The following LHFPL3 variants were observed in gnomAD, a reference collection of about 807,000 sequenced individuals.
LHFPL3 encodes LHFPL tetraspan subfamily member 3, also known as LHFPL tetraspan subfamily member 3 protein.
Under a neutral mutation model 19.3 loss-of-function variants are expected in LHFPL3, and 5 were observed. The ratio of observed to expected loss-of-function variants is 0.26; its 90% CI spans 0.14 to 0.54. The LOEUF (loss-of-function observed/expected upper bound fraction) is 0.54. Among genes scored for constraint, LHFPL3 ranks in the 20% least tolerant of loss-of-function variants. The pLI, the probability that LHFPL3 is intolerant of heterozygous loss-of-function variation, is 0.94. For synonymous variants in LHFPL3, 133 were observed against 126.2 expected (o/e 1.05, Z -0.36); for missense variants, 249 against 307.4 (o/e 0.81, Z 1.42).
At chr7:104,887,722 G>A (rs1792174907) in intron 2 of LHFPL3, among the ~76,000 whole-genome samples, 1 of 152,194 alleles carries the variant, frequency 6.6e-6, no homozygotes, top group Non-Finnish European at 1.5e-5. Context: ...TACAAGTACT[G>A]GCTTCTGCAA....
chr7:104,810,134 C>T lies in LHFPL3; in HGVS notation c.682+73223C>T, dbSNP rs116986569. 2.4e-3 allele frequency among the ~76,000 whole-genome samples: 358 copies of T among 152,228 alleles called. 7 individuals carry two copies. The East Asian group carries it at 0.061, about 26-fold the overall frequency. On this transcript the variant is annotated intron_variant, in intron 2 of 2. Transcript: ENST00000424859. ...TTCAGTGACTCAGAGAGAGCATGGG[C>T]ACAGTGCTTCCTAACACCTGAAGTT...
chr7:104,779,785 G>A (rs756150258), intron 2 of LHFPL3, among the ~76,000 whole-genome samples: 2 of 152,192 alleles, frequency 1.3e-5, no homozygotes, highest in Non-Finnish European at 2.9e-5. Flanking sequence ...TGGAGATGCA[G>A]GTCTGACTCG....
rs1167618176 is a variant in LHFPL3, at chr7:104,723,722, CAAAAAAAAAAAA to C, written c.446-12935_446-12924del. Among the ~76,000 whole-genome samples, 388 of 46,982 alleles carry C rather than the reference CAAAAAAAAAAAA, an allele frequency of 8.3e-3. 5 individuals carry two copies. The highest frequency in any genetic ancestry group is 0.04 in the Middle Eastern group (2 of 50). 30.8% of individuals were successfully genotyped at this position (46,982 alleles called of 152,430 possible). A position where few individuals can be genotyped will look rare whatever the true frequency, so the allele number is the denominator to read the frequency against. On this transcript the variant is annotated intron_variant, in intron 1 of 2. Coordinates refer to ENST00000424859, the MANE Select transcript of LHFPL3 (RefSeq NM_199000.3). ...GGGCGACAGAGCAAGACTATGTCTC[CAAAAAAAAAAAA>C]AAAAAAAAAAAAAAAAAGATGATCT...
At chr7:104,687,212 A>T (rs1422933856) in intron 1 of LHFPL3, among the ~76,000 whole-genome samples, 1 of 152,236 alleles carries the variant, frequency 6.6e-6, no homozygotes, top group Admixed American at 6.5e-5. Flanking sequence ...TATAAAGGAT[A>T]TTATAAAAGA....
intron 1 of LHFPL3, among the ~76,000 whole-genome samples, chr7:104,559,733 A>G (rs1045758881): frequency 1.3e-5 from 2 of 152,156 alleles, no homozygotes; most frequent in East Asian, 1.9e-4. Context: ...TAGGAGTGGT[A>G]AGAGAAGGCA....
At chr7:104,645,885 C>T (rs939430202) in intron 1 of LHFPL3, among the ~76,000 whole-genome samples, 1 of 151,982 alleles carries the variant, frequency 6.6e-6, no homozygotes, top group African/African-American at 2.4e-5. Context: ...TGGTCTCGAT[C>T]TTCTGACCTC....
chr7:104,511,726 G>C (rs902508408), intron 1 of LHFPL3, among the ~76,000 whole-genome samples: 3 of 152,066 alleles, frequency 2.0e-5, no homozygotes, highest in Non-Finnish European at 2.9e-5. Flanking sequence ...CATTGCTTGG[G>C]TGATGGGTGC....
At chr7:104,566,984 G>T (rs544131197) in intron 1 of LHFPL3, among the ~76,000 whole-genome samples, 1 of 152,118 alleles carries the variant, frequency 6.6e-6, no homozygotes, top group Admixed American at 6.5e-5. Flanking sequence ...TCACTCTTCT[G>T]TCAGCCTCCC....
At chr7:104,415,573 T>C (rs1275101576) in intron 1 of LHFPL3, among the ~76,000 whole-genome samples, 1 of 152,186 alleles carries the variant, frequency 6.6e-6, no homozygotes, top group East Asian at 1.9e-4. Context: ...TCACCCCAAC[T>C]CTAACACAAT....
chr7:104,585,034 G>T (rs1426167904), intron 1 of LHFPL3, among the ~76,000 whole-genome samples: 1 of 152,050 alleles, frequency 6.6e-6, no homozygotes, highest in African/African-American at 2.4e-5. Context: ...GTCCTTCCAT[G>T]CCACCTAAAT....
At chr7:104,745,557 C>A (rs1794027009) in intron 2 of LHFPL3, among the ~76,000 whole-genome samples, 1 of 152,156 alleles carries the variant, frequency 6.6e-6, no homozygotes, top group African/African-American at 2.4e-5. Flanking sequence ...GGAGGAAAAA[C>A]TGACAAATTA....
intron 2 of LHFPL3, among the ~76,000 whole-genome samples, chr7:104,741,013 CAG>C (rs1793925974): frequency 6.6e-6 from 1 of 152,156 alleles, no homozygotes; most frequent in Non-Finnish European, 1.5e-5. Flanking sequence ...GCTCTACTCA[CAG>C]AGTCTTTAGA....
chr7:104,587,601 G>C (rs1380676812), intron 1 of LHFPL3, among the ~76,000 whole-genome samples: 1 of 152,140 alleles, frequency 6.6e-6, no homozygotes, highest in Non-Finnish European at 1.5e-5. Context: ...TGTCTTTATA[G>C]CAGCATGATT....
chr7:104,653,008 G>A (rs1337174197), intron 1 of LHFPL3, among the ~76,000 whole-genome samples: 1 of 151,252 alleles, frequency 6.6e-6, no homozygotes, highest in Non-Finnish European at 1.5e-5. Flanking sequence ...ACAGAGGCTG[G>A]GAGACAGGGC....
intron 1 of LHFPL3, chr7:104,668,915 A>T: frequency 6.2e-7 from 1 of 1,612,434 alleles, no homozygotes; most frequent in Non-Finnish European, 8.5e-7. Flanking sequence ...CGTCAGCTGG[A>T]TGGGCCAAAA....
At position 104,548,440 on chromosome 7, in the gene LHFPL3, G is replaced by A. The variant is rs577210088; in HGVS notation, c.446-188235G>A. 5.9e-5 allele frequency among the ~76,000 whole-genome samples: 9 copies of A among 152,272 alleles called. No individual in the cohort carries two copies. In the East Asian group the frequency reaches 1.3e-3, roughly 23 times the overall value. On this transcript the variant is annotated intron_variant, in intron 1 of 2. Coordinates refer to ENST00000424859, the MANE Select transcript of LHFPL3 (RefSeq NM_199000.3). ...ACAGTATTTCTTACACATTCTAGAT[G>A]ATTTACAAAGTTTATTTGCCATCAA... is the stretch of plus-strand genomic sequence containing the variant.
chr7:104,607,887 G>T (rs1273526110), intron 1 of LHFPL3, among the ~76,000 whole-genome samples: 2 of 150,706 alleles, frequency 1.3e-5, no homozygotes, highest in African/African-American at 4.9e-5. Flanking sequence ...AAAAACACAT[G>T]AAAAAAAAAT....
At chr7:104,807,011 ATGTGTGTGTGTGTGTGTGTGTGTGTGTG>A (rs10665231) in intron 2 of LHFPL3, among the ~76,000 whole-genome samples, 1 of 139,672 alleles carries the variant, frequency 7.2e-6, no homozygotes, top group Non-Finnish European at 1.5e-5. Context: ...CAAAATATAT[ATGTGTGTGTGTGTGTGTGTGTGTGTGTG>A]TGTGTGTGTG....
At chr7:104,429,285 T>G (rs866228132) in intron 1 of LHFPL3, among the ~76,000 whole-genome samples, 1 of 149,586 alleles carries the variant, frequency 6.7e-6, no homozygotes, top group Non-Finnish European at 1.5e-5. Flanking sequence ...TATTTCGGAA[T>G]CTACCTATGT....
Sources: gnomAD v4.1 joint callset for allele counts (sites outside exome capture counted in the v4.1 genomes callset) on GRCh38, gnomAD v4.1.1 for gene constraint, MANE v1.5 for transcripts, NCBI Gene and HGNC (gene_info 2026-07-23, HGNC 2026-07-21) for gene names.